Variants in LNX1 observed in about 807,000 individuals in gnomAD.
LNX1 encodes E3 ubiquitin-protein ligase LNX.
Under a neutral mutation model 68.4 loss-of-function variants are expected in LNX1, and 54 were observed. That is an observed-to-expected ratio of 0.79 (90% CI 0.63 to 0.99). The LOEUF (loss-of-function observed/expected upper bound fraction) is 0.99, where lower values mean the gene tolerates loss of function less well. Ranked by LOEUF, LNX1 falls within the 50% of genes least tolerant of loss-of-function variation. The pLI, the probability that LNX1 is intolerant of heterozygous loss-of-function variation, is 0.00. For missense variants in LNX1, 906 were observed against 926.4 expected (o/e 0.98, Z 0.29); for synonymous variants, 336 against 350.0 (o/e 0.96, Z 0.45).
intron 2 of LNX1, chr4:53,558,266 A>G: frequency 8.5e-7 from 1 of 1,173,404 alleles, no homozygotes; most frequent in Non-Finnish European, 1.1e-6. Context: ...CTCCTGCAGG[A>G]TGCGGACTGG....
chr4:53,589,023 AC>A (rs1264277608), intron 1 of LNX1, among the ~76,000 whole-genome samples: 1 of 152,108 alleles, frequency 6.6e-6, no homozygotes, highest in Non-Finnish European at 1.5e-5. Flanking sequence ...CTCGGCATGA[AC>A]CCTCACTCTG....
chr4:53,480,856 T>C (rs1253994983), intron 7 of LNX1, among the ~76,000 whole-genome samples: 1 of 152,216 alleles, frequency 6.6e-6, no homozygotes, highest in Non-Finnish European at 1.5e-5. Flanking sequence ...ATTCCCTACT[T>C]TCTGTTGCAA....
chr4:53,617,476 AC>A (rs1733722499), exon 1 of LNX1: 1 of 152,238 alleles, frequency 6.6e-6, no homozygotes, highest in Admixed American at 6.6e-5. Context: ...AGCTGTAAAC[AC>A]AGCTGGGGAA....
At chr4:53,507,211 G>C in intron 4 of LNX1, 106 bp downstream of exon 4, 1 of 1,206,584 alleles carries the variant, frequency 8.3e-7, no homozygotes, top group Non-Finnish European at 1.2e-6. Context: ...ATACCCTTGG[G>C]AAGAGAGGGG....
At chr4:53,510,810 G>T (rs1245004029) in intron 2 of LNX1, among the ~76,000 whole-genome samples, 2 of 152,176 alleles carry the variant, frequency 1.3e-5, no homozygotes, top group Admixed American at 1.3e-4. Flanking sequence ...GAATAGTAAC[G>T]TTATTTTCCA....
At chr4:53,639,071 T>C (rs1365793307) in intron 1 of LNX1, among the ~76,000 whole-genome samples, 7 of 152,134 alleles carry the variant, frequency 4.6e-5, no homozygotes, top group Admixed American at 4.6e-4. Flanking sequence ...AACAAAGACA[T>C]GGAACCAACC....
intron 9 of LNX1, among the ~76,000 whole-genome samples, chr4:53,475,437 C>T (rs1189373226): frequency 2.6e-5 from 4 of 152,140 alleles, no homozygotes; most frequent in Non-Finnish European, 5.9e-5. Context: ...AATTTATCAA[C>T]TAGTGAAGGC....
chr4:53,651,284 G>T (rs1366111986), intron 1 of LNX1, among the ~76,000 whole-genome samples: 1 of 152,186 alleles, frequency 6.6e-6, no homozygotes, highest in Non-Finnish European at 1.5e-5. Flanking sequence ...CTCTTTAGGG[G>T]AGCCCCACCC....
At chr4:53,572,581 C>T (rs1560674370) in intron 2 of LNX1, among the ~76,000 whole-genome samples, 1 of 152,212 alleles carries the variant, frequency 6.6e-6, no homozygotes, top group Non-Finnish European at 1.5e-5. Flanking sequence ...CTTGTCATGA[C>T]AGGAACCAGG....
chr4:53,607,724 A>G (rs1197674802), intron 2 of LNX1, among the ~76,000 whole-genome samples: 3 of 152,214 alleles, frequency 2.0e-5, no homozygotes, highest in Non-Finnish European at 4.4e-5. Flanking sequence ...TTCAAACTAT[A>G]GTACAAGGCC....
chr4:53,544,437 C>T (rs921400088), intron 2 of LNX1, among the ~76,000 whole-genome samples: 37 of 151,916 alleles, frequency 2.4e-4, no homozygotes, highest in Admixed American at 2.4e-3. Flanking sequence ...TCAGGTGATC[C>T]ACCCCTTCGG....
intron 2 of LNX1, among the ~76,000 whole-genome samples, chr4:53,524,536 C>A (rs1727474665): frequency 6.6e-6 from 1 of 152,192 alleles, no homozygotes; most frequent in East Asian, 1.9e-4. Context: ...TTTTCTTAAA[C>A]TTTATTCAAT....
chr4:53,643,151 CT>C (rs896271944), intron 1 of LNX1, among the ~76,000 whole-genome samples: 17 of 149,166 alleles, frequency 1.1e-4, no homozygotes, highest in Middle Eastern at 3.5e-3. Flanking sequence ...AAATCTTGGT[CT>C]TTTTTTTTTC....
At chr4:53,506,574 G>A (rs1236261674) in intron 4 of LNX1, among the ~76,000 whole-genome samples, 1 of 152,098 alleles carries the variant, frequency 6.6e-6, no homozygotes, top group Non-Finnish European at 1.5e-5. Flanking sequence ...TAGGAGTGGC[G>A]CCAGGTGCGG....
Position 53,581,997 on chromosome 4 carries a change from T to C in LNX1, c.-86-7909A>G, listed in dbSNP as rs181331358. On this transcript the variant is annotated intron_variant, in intron 1 of 10. Transcript: ENST00000263925. ...TTTAAATATTGCATTCACATTAGGA[T>C]TACTGAATTTTTCTGCACCTTAAAT... 9.2e-4 allele frequency among the ~76,000 whole-genome samples: 140 copies of C among 152,312 alleles called. 1 individual carries two copies. The highest frequency in any genetic ancestry group is 1.6e-3 in the Non-Finnish European group (106 of 68,014).
intron 7 of LNX1, among the ~76,000 whole-genome samples, chr4:53,480,480 CAATT>C (rs540498923): frequency 1.5e-3 from 229 of 152,090 alleles, no homozygotes; most frequent in African/African-American, 5.2e-3. Flanking sequence ...ATAAAAACTT[CAATT>C]AATTAATTAA....
chr4:53,622,789 G>C (rs1307872757), intron 1 of LNX1, among the ~76,000 whole-genome samples: 1 of 152,164 alleles, frequency 6.6e-6, no homozygotes, highest in Non-Finnish European at 1.5e-5. Flanking sequence ...ATAAGAGAGG[G>C]AGGCTGACCC....
At chr4:53,526,915 A>C (rs17082949) in intron 2 of LNX1, among the ~76,000 whole-genome samples, 1 of 152,016 alleles carries the variant, frequency 6.6e-6, no homozygotes, top group Non-Finnish European at 1.5e-5. Flanking sequence ...AAAATTATAG[A>C]GCTAATTCTT....
intron 2 of LNX1, among the ~76,000 whole-genome samples, chr4:53,547,883 G>T (rs1193438036): frequency 1.3e-5 from 2 of 152,052 alleles, no homozygotes; most frequent in African/African-American, 4.8e-5. Flanking sequence ...TGGTTCGGGG[G>T]TCCTGGCATG....
Sources: allele counts gnomAD v4.1 joint callset (sites outside exome capture counted in the v4.1 genomes callset), GRCh38; gene constraint gnomAD v4.1.1; transcripts MANE v1.5; gene names NCBI Gene and HGNC (gene_info 2026-07-23, HGNC 2026-07-21).